SDK1: variants seen among roughly 807,000 people sequenced by gnomAD.
The protein encoded by SDK1 is protein sidekick-1.
In SDK1, 157 loss-of-function variants were observed where a neutral mutation model predicts 245.5. The observed-to-expected ratio is 0.64, with a 90% CI of 0.56 to 0.73. The LOEUF is 0.73. Among genes scored for constraint, SDK1 ranks in the 30% least tolerant of loss-of-function variants. SDK1 has a pLI of 0.00. For missense variants in SDK1, 3,583 were observed against 3,002.3 expected (o/e 1.19, Z -4.52); for synonymous variants, 1,647 against 1,278.5 (o/e 1.29, Z -6.15).
chr7:3,545,326 G>A (rs961934216), intron 1 of SDK1, among the ~76,000 whole-genome samples: 6 of 152,038 alleles, frequency 3.9e-5, no homozygotes, highest in East Asian at 1.9e-4. Flanking sequence ...TTTGGCAGGC[G>A]GTCAAAAGGC....
chr7:3,975,907 T>C (rs11975098), intron 13 of SDK1, among the ~76,000 whole-genome samples: 22,643 of 138,334 alleles, frequency 0.16, 2,165 homozygotes, highest in Admixed American at 0.21. Flanking sequence ...AGCTGCCACG[T>C]AGAGGGTCCT....
chr7:3,732,505 C>T (rs1400793452), intron 4 of SDK1, among the ~76,000 whole-genome samples: 4 of 152,298 alleles, frequency 2.6e-5, no homozygotes, highest in African/African-American at 7.2e-5. Context: ...TAGTTCGGTT[C>T]GGTCTGAGCT....
intron 4 of SDK1, among the ~76,000 whole-genome samples, chr7:3,802,860 A>C (rs994397423): frequency 2.6e-5 from 4 of 152,162 alleles, no homozygotes; most frequent in African/African-American, 9.7e-5. Context: ...CCAATTGAGG[A>C]ACATTTGTTG....
In SDK1 at chr7:4,130,054, G is replaced by A. The variant is rs1264747229; in HGVS notation, c.4086G>A (p.Gly1362=). 2 of 1,612,336 alleles carry A rather than the reference G, an allele frequency of 1.2e-6. No individual in the cohort carries two copies. The highest frequency in any genetic ancestry group is 1.3e-5 in the African/African-American group (1 of 75,016). The change falls in exon 27 of 45, where the codon GGG becomes GGA. Residue 1362 remains glycine, a synonymous_variant. Transcript: ENST00000404826. ...QVLAFTRIGN[G]VPSTPLILER... is the part of the protein sequence containing the mutation. ...TGGCGTTCACCCGCATCGGGAACGG[G>A]GTCCCCAGCACGCCCCTCATCCTGG...
chr7:4,027,771 C>T (rs977945595), intron 17 of SDK1, among the ~76,000 whole-genome samples: 7 of 152,094 alleles, frequency 4.6e-5, no homozygotes, highest in African/African-American at 1.7e-4. Context: ...ATGTGTGTCT[C>T]TCTCTTCAGC....
rs1338844476 is a variant in SDK1 at position 4,026,790 on chromosome 7, T to C, written c.2602+9438T>C. Among the ~76,000 whole-genome samples, 2 of 152,042 alleles carry C rather than the reference T, an allele frequency of 1.3e-5. No individual in the cohort carries two copies. Among genetic ancestry groups the C allele is most frequent in the Non-Finnish European group, 2.9e-5 (2 of 68,022 alleles). On this transcript the variant is annotated intron_variant, in intron 17 of 44. Transcript: ENST00000404826. The surrounding 1 kb of genome is among the most constrained non-coding windows in gnomAD (Gnocchi z 4.1). The stretch of plus-strand genomic sequence containing the variant: ...AACGCGAGAACTCAGCCGTGGCCCA[T>C]AACAATCTGGAATTAACGATAACAC...
intron 17 of SDK1, among the ~76,000 whole-genome samples, chr7:4,042,756 G>A (rs1788726258): frequency 6.6e-6 from 1 of 152,188 alleles, no homozygotes; most frequent in Non-Finnish European, 1.5e-5. Flanking sequence ...TTAAGAAGGG[G>A]CAGGGTTATG....
intron 14 of SDK1, among the ~76,000 whole-genome samples, chr7:3,990,725 A>G (rs1784237899): frequency 6.6e-6 from 1 of 152,172 alleles, no homozygotes; most frequent in African/African-American, 2.4e-5. Flanking sequence ...AATGAGGTGA[A>G]ATTCATCTCT....
chr7:3,598,385 A>G lies in SDK1; in HGVS notation c.299-20695A>G, dbSNP rs949440715. On this transcript the variant is annotated intron_variant, in intron 1 of 44. Transcript: ENST00000404826. Reference sequence around the variant, plus strand: ...CTCAACAGTGTGTTTGTTCTAAATTAAGCTTTTTATTTTTATTTTATTTTG... The same window carrying G: ...CTCAACAGTGTGTTTGTTCTAAATTGAGCTTTTTATTTTTATTTTATTTTG... Among the ~76,000 whole-genome samples, 7 of 152,316 alleles carry G rather than the reference A, an allele frequency of 4.6e-5. No individual in the cohort carries two copies. The South Asian group carries it at 1.2e-3, about 27-fold the overall frequency.
chr7:4,208,128 C>T lies in SDK1; in HGVS notation c.5244C>T (p.Asn1748=), dbSNP rs140491954. 5.5e-4 allele frequency: 889 copies of T among 1,613,786 alleles called. 1 individual carries two copies. The highest frequency in any genetic ancestry group is 5.1e-3 in the African/African-American group (385 of 75,024). The change falls in exon 37 of 45, where the codon AAC becomes AAT. Residue 1748 remains asparagine, a synonymous_variant. Coordinates refer to ENST00000404826, the MANE Select transcript of SDK1 (RefSeq NM_152744.4). ...KIYYWEADSQ[N]ETEKMKVLFL... ...ACTACTGGGAGGCAGACAGCCAGAA[C>T]GAAACGGAGAAAATGAAGGTCCTCT...
At chr7:3,951,315 G>T (rs1289425968) in intron 6 of SDK1, among the ~76,000 whole-genome samples, 1 of 152,142 alleles carries the variant, frequency 6.6e-6, no homozygotes, top group African/African-American at 2.4e-5. Context: ...AGGAGTTGAG[G>T]CAGAGGAAAA....
chr7:3,648,603 A>T (rs370199588), intron 4 of SDK1, among the ~76,000 whole-genome samples: 2 of 152,240 alleles, frequency 1.3e-5, no homozygotes, highest in African/African-American at 4.8e-5. Context: ...AATTTCTTCA[A>T]GAAAGATTTG....
chr7:3,409,531 T>C (rs1356742452), intron 1 of SDK1, among the ~76,000 whole-genome samples: 2 of 152,124 alleles, frequency 1.3e-5, no homozygotes, highest in African/African-American at 4.8e-5. Flanking sequence ...TTTCCGCAAA[T>C]GTACATTTAG....
At chr7:3,387,928 T>C (rs964735342) in intron 1 of SDK1, among the ~76,000 whole-genome samples, 2 of 152,234 alleles carry the variant, frequency 1.3e-5, no homozygotes, top group African/African-American at 4.8e-5. Context: ...ATGTGCTACA[T>C]AGAAGTTACA....
chr7:3,693,793 C>G (rs1409495532), intron 4 of SDK1, among the ~76,000 whole-genome samples: 1 of 152,074 alleles, frequency 6.6e-6, no homozygotes, highest in East Asian at 1.9e-4. Flanking sequence ...ATAATTTTTA[C>G]CAGCCTAATC....
At chr7:4,166,463 G>A (rs577634419) in intron 32 of SDK1, among the ~76,000 whole-genome samples, 10 of 152,386 alleles carry the variant, frequency 6.6e-5, no homozygotes, top group Non-Finnish European at 1.3e-4. Flanking sequence ...GGACTGCCAG[G>A]CCCCTGCAGT....
chr7:3,949,274 T>C (rs1225603868), intron 5 of SDK1, among the ~76,000 whole-genome samples: 1 of 152,194 alleles, frequency 6.6e-6, no homozygotes, highest in Non-Finnish European at 1.5e-5. Context: ...TTTAAAACAT[T>C]CATTACTTGG....
chr7:3,724,927 G>T (rs1778966449), intron 4 of SDK1, among the ~76,000 whole-genome samples: 1 of 152,180 alleles, frequency 6.6e-6, no homozygotes, highest in South Asian at 2.1e-4. Context: ...ACAATTCCTG[G>T]CTGGGGTTTA....
At chr7:3,668,541 C>T (rs1038033334) in intron 4 of SDK1, among the ~76,000 whole-genome samples, 14 of 152,118 alleles carry the variant, frequency 9.2e-5, no homozygotes, top group Admixed American at 4.6e-4. Flanking sequence ...TTTGGGAGGC[C>T]GAGGCAGGCA....
Sources: allele counts gnomAD v4.1 joint callset (sites outside exome capture counted in the v4.1 genomes callset), GRCh38; gene constraint gnomAD v4.1.1; non-coding constraint Gnocchi (gnomAD v3.1); transcripts MANE v1.5; gene names NCBI Gene and HGNC (gene_info 2026-07-23, HGNC 2026-07-21).